Variants in SLC2A9 observed in about 807,000 individuals in gnomAD.
SLC2A9 encodes solute carrier family 2 member 9.
In SLC2A9, 39 loss-of-function variants were observed where a neutral mutation model predicts 50.6. That is an observed-to-expected ratio of 0.77 (90% confidence interval 0.60 to 1.01). SLC2A9 has a LOEUF of 1.01. Among genes scored for constraint, SLC2A9 ranks in the 50% least tolerant of loss-of-function variants. The pLI, the probability that SLC2A9 is intolerant of heterozygous loss-of-function variation, is 0.00. For missense variants in SLC2A9, 686 were observed against 677.6 expected (o/e 1.01, Z -0.14); for synonymous variants, 324 against 276.9 (o/e 1.17, Z -1.69).
chr4:10,019,958 T>C lies in SLC2A9; in HGVS notation c.151-885A>G, dbSNP rs114119281. ...GGCAGGAGGGATGGCTGTCCTCAGC[T>C]GGTCAGGGAATACAGGCCAAGTGGA... On this transcript the variant is annotated intron_variant, in intron 1 of 11. Transcript: ENST00000264784. 4.8e-3 allele frequency among the ~76,000 whole-genome samples: 724 copies of C among 152,266 alleles called. 7 individuals are homozygous for C. Among genetic ancestry groups the C allele is most frequent in the African/African-American group, 0.016 (678 of 41,560 alleles).
chr4:9,776,725 T>C (rs1353342507), downstream of SLC2A9, among the ~76,000 whole-genome samples: 1 of 152,206 alleles, frequency 6.6e-6, no homozygotes, highest in Non-Finnish European at 1.5e-5. Context: ...CTGTCATCCC[T>C]GAAGCCTCCG....
chr4:9,908,072 T>C (rs1487124123), intron 8 of SLC2A9, among the ~76,000 whole-genome samples, 163 bp downstream of exon 8: 1 of 152,196 alleles, frequency 6.6e-6, no homozygotes, highest in Non-Finnish European at 1.5e-5. Context: ...CCATCCCAGC[T>C]ATTTCTTTAA....
chr4:9,774,839 C>G (rs1396096641), downstream of SLC2A9, among the ~76,000 whole-genome samples: 4 of 151,712 alleles, frequency 2.6e-5, no homozygotes, highest in South Asian at 2.1e-4. Context: ...CTTTAATTTG[C>G]TCTATTCTCT....
At chr4:9,963,645 C>A (rs1578107004) in intron 5 of SLC2A9, among the ~76,000 whole-genome samples, 1 of 152,078 alleles carries the variant, frequency 6.6e-6, no homozygotes, top group African/African-American at 2.4e-5. Context: ...CTCAAGAGGC[C>A]CCTGCTCGCT....
chr4:9,824,399 A>C (rs555641447), downstream of SLC2A9, among the ~76,000 whole-genome samples: 1 of 152,284 alleles, frequency 6.6e-6, no homozygotes, highest in African/African-American at 2.4e-5. Context: ...AAATGGCTCT[A>C]TGAGCTTTTC....
chr4:9,943,129 C>G (rs774177794), intron 5 of SLC2A9, among the ~76,000 whole-genome samples: 2 of 152,174 alleles, frequency 1.3e-5, no homozygotes, highest in East Asian at 1.9e-4. Flanking sequence ...CTCTGCTGCT[C>G]TCCCAAGACT....
At chr4:9,835,893 CCTGA>C (rs1210536861) in intron 10 of SLC2A9, among the ~76,000 whole-genome samples, 5 of 151,860 alleles carry the variant, frequency 3.3e-5, no homozygotes, top group Non-Finnish European at 7.4e-5. Context: ...TTGAGACCAG[CCTGA>C]CTAACATGGT....
intron 1 of SLC2A9, among the ~76,000 whole-genome samples, chr4:10,020,219 C>G (rs991789016): frequency 6.6e-6 from 1 of 152,118 alleles, no homozygotes; most frequent in African/African-American, 2.4e-5. Context: ...CTGCCAGTCT[C>G]GTTTGTCTCC....
intron 10 of SLC2A9, among the ~76,000 whole-genome samples, chr4:9,860,441 G>C (rs749096037): frequency 3.3e-5 from 5 of 152,206 alleles, no homozygotes; most frequent in Non-Finnish European, 7.3e-5. Flanking sequence ...GGATGGGTGT[G>C]GGAACACATG....
At chr4:9,916,353 T>C (rs563786949) in intron 7 of SLC2A9, among the ~76,000 whole-genome samples, 2 of 152,318 alleles carry the variant, frequency 1.3e-5, no homozygotes, top group Non-Finnish European at 2.9e-5. Context: ...ATATGGCTCA[T>C]TCACAGCTGG....
At chr4:9,793,867 T>C (rs1191585993) in intron 3 of SLC2A9, among the ~76,000 whole-genome samples, 3 of 152,210 alleles carry the variant, frequency 2.0e-5, no homozygotes, top group Non-Finnish European at 4.4e-5. Context: ...AAATCAATAA[T>C]TTAAGCAACT....
chr4:9,812,548 G>C (rs1455071684), intron 3 of SLC2A9, among the ~76,000 whole-genome samples: 1 of 149,850 alleles, frequency 6.7e-6, no homozygotes. Context: ...TAACATACCT[G>C]CTCTCATCAC....
At chr4:10,023,329 G>C (rs549896130), upstream of SLC2A9, among the ~76,000 whole-genome samples, 2 of 152,304 alleles carry the variant, frequency 1.3e-5, no homozygotes, top group African/African-American at 4.8e-5. Flanking sequence ...TGTGCATGGA[G>C]GGCCCCTCTG....
intron 6 of SLC2A9, among the ~76,000 whole-genome samples, chr4:9,940,524 G>C (rs1747928087): frequency 6.6e-6 from 1 of 152,184 alleles, no homozygotes; most frequent in African/African-American, 2.4e-5. Context: ...AGAATTTTGT[G>C]TATATGGTTA....
chr4:9,819,140 A>G (rs1393365125), intron 3 of SLC2A9, among the ~76,000 whole-genome samples: 1 of 148,896 alleles, frequency 6.7e-6, no homozygotes, highest in South Asian at 2.1e-4. Flanking sequence ...AAAAAAAAAA[A>G]GTATACAGGT....
At chr4:10,033,978 T>C (rs1764017916) in intron 1 of SLC2A9, among the ~76,000 whole-genome samples, 1 of 152,168 alleles carries the variant, frequency 6.6e-6, no homozygotes, top group Admixed American at 6.5e-5. Flanking sequence ...TCTCCTACTC[T>C]GTCCCCGGGG....
intron 3 of SLC2A9, among the ~76,000 whole-genome samples, chr4:9,793,082 C>A (rs1720169030): frequency 6.6e-6 from 1 of 151,980 alleles, no homozygotes; most frequent in Non-Finnish European, 1.5e-5. Flanking sequence ...CCATGTTGGT[C>A]ATTTTTTAAT....
At position 9,916,707 on chromosome 4, in the gene SLC2A9, A is replaced by T. The variant is rs572443983; in HGVS notation, c.1002+3678T>A. 1.7e-3 allele frequency among the ~76,000 whole-genome samples: 257 copies of T among 152,308 alleles called. 1 individual carries two copies. Among genetic ancestry groups the T allele is most frequent in the Middle Eastern group, 3.4e-3 (1 of 294 alleles). The stretch of plus-strand genomic sequence containing the variant: ...CTGTGTTTAAGAAAGAAGGAATCCC[A>T]AGGAAGGAAGGGTCATCCCAAGTAG... On this transcript the variant is annotated intron_variant, in intron 7 of 11. Coordinates refer to ENST00000264784, the MANE Select transcript of SLC2A9 (RefSeq NM_020041.3).
intron 10 of SLC2A9, among the ~76,000 whole-genome samples, chr4:9,857,060 T>A (rs1730839908): frequency 6.6e-6 from 1 of 152,072 alleles, no homozygotes; most frequent in South Asian, 2.1e-4. Context: ...TCCTGTAACA[T>A]GCAATTTACC....
Sources: gnomAD v4.1 joint callset for allele counts (sites outside exome capture counted in the v4.1 genomes callset) on GRCh38, gnomAD v4.1.1 for gene constraint, MANE v1.5 for transcripts, NCBI Gene and HGNC (gene_info 2026-07-23, HGNC 2026-07-21) for gene names.